Variants in NEXMIF observed in about 807,000 individuals in gnomAD.
The protein encoded by NEXMIF is XLMR protein related to neurite extension.
Under a neutral mutation model 62.1 loss-of-function variants are expected in NEXMIF, and 8 were observed. The ratio of observed to expected loss-of-function variants is 0.13; its 90% CI spans 0.08 to 0.23. The LOEUF is 0.23. NEXMIF is among the 10% of genes least tolerant of loss of function. The probability of loss-of-function intolerance (pLI) is 1.00; values close to 1 mark genes in which losing one functional copy is unlikely to be tolerated. For synonymous variants in NEXMIF, 404 were observed against 416.6 expected (o/e 0.97, Z 0.37); for missense variants, 976 against 1,113.3 (o/e 0.88, Z 1.75).
At chrX:74,900,462 C>CAAAAAA (rs758887978) in intron 1 of NEXMIF, among the ~76,000 whole-genome samples, 5 of 32,854 alleles carry the variant, frequency 1.5e-4, no homozygotes, top group Middle Eastern at 0.019. Flanking sequence ...GACTCCGTCT[C>CAAAAAA]AAAAAAAAAA....
chrX:74,847,537 T>G, intron 1 of NEXMIF, among the ~76,000 whole-genome samples: 1 of 112,070 alleles, frequency 8.9e-6, no homozygotes. Flanking sequence ...AAAAACACTT[T>G]TAAGTAACAT....
At chrX:74,834,254 A>G (rs1428762724) in intron 1 of NEXMIF, among the ~76,000 whole-genome samples, 20 of 110,346 alleles carry the variant, frequency 1.8e-4, no homozygotes, top group Admixed American at 9.6e-4. Context: ...TGTATTGTCT[A>G]TGTCTTGAAA....
At chrX:74,740,026 T>C (rs1393506879) in intron 3 of NEXMIF, 74 bp downstream of exon 3, 3 of 973,303 alleles carry the variant, frequency 3.1e-6, no homozygotes, top group Admixed American at 5.9e-5. Flanking sequence ...AGGGAAAAAA[T>C]GAGGGACTGC....
At chrX:74,853,829 C>T (rs1194244024) in intron 1 of NEXMIF, among the ~76,000 whole-genome samples, 1 of 110,749 alleles carries the variant, frequency 9.0e-6, no homozygotes, top group African/African-American at 3.3e-5. Context: ...ACTGGAAGAC[C>T]TAGAGGAAAA....
intron 1 of NEXMIF, among the ~76,000 whole-genome samples, chrX:74,849,092 G>T (rs756715037): frequency 5.7e-4 from 64 of 112,320 alleles, no homozygotes; most frequent in Non-Finnish European, 1.1e-3. Flanking sequence ...AGCCACATCT[G>T]CCTATAAAGA....
At chrX:74,806,075 C>T (rs2080344004) in intron 1 of NEXMIF, among the ~76,000 whole-genome samples, 2 of 111,254 alleles carry the variant, frequency 1.8e-5, no homozygotes, top group South Asian at 3.7e-4. Context: ...TTATCAGATA[C>T]GTGATTTGCA....
intron 1 of NEXMIF, among the ~76,000 whole-genome samples, chrX:74,767,973 G>T (rs893810099): frequency 9.0e-6 from 1 of 111,129 alleles, no homozygotes; most frequent in Non-Finnish European, 1.9e-5. Flanking sequence ...TGTATGGGAG[G>T]GGGGGTCTAA....
intron 1 of NEXMIF, among the ~76,000 whole-genome samples, chrX:74,832,632 C>T (rs749724519): frequency 6.3e-5 from 7 of 111,080 alleles, no homozygotes; most frequent in Non-Finnish European, 9.5e-5. Flanking sequence ...ATCTTTGCTC[C>T]GATCATTATT....
chrX:74,925,073 C>A lies in NEXMIF; in HGVS notation c.-238G>T. On this transcript the variant is annotated 5_prime_UTR_variant, in exon 1 of 4. Transcript: ENST00000055682. ...GCCTCAGCTCCATACGCTGGGCCCGCCAGGTGGACGCGCCTCTCTCCTCGC... is the reference window on the plus strand; with the variant it reads ...GCCTCAGCTCCATACGCTGGGCCCGACAGGTGGACGCGCCTCTCTCCTCGC... 1 of 119,097 alleles carries A rather than the reference C, an allele frequency of 8.4e-6. No individual in the cohort carries two copies. The highest frequency in any genetic ancestry group is 1.8e-5 in the Non-Finnish European group (1 of 56,746). The allele number at this position is 119,097 out of a possible 1,213,427, so 9.8% of individuals were successfully genotyped here. A position where few individuals can be genotyped will look rare whatever the true frequency, so the allele number is the denominator to read the frequency against.
intron 1 of NEXMIF, among the ~76,000 whole-genome samples, chrX:74,907,600 A>G (rs2080773678): frequency 9.0e-6 from 1 of 111,038 alleles, no homozygotes; most frequent in African/African-American, 3.3e-5. Context: ...TCTGAGGCCC[A>G]GAGAGAGAGA....
intron 1 of NEXMIF, among the ~76,000 whole-genome samples, chrX:74,895,907 T>G (rs1408459762): frequency 9.1e-6 from 1 of 110,383 alleles, no homozygotes; most frequent in Non-Finnish European, 1.9e-5. Flanking sequence ...AGTTCAAGTT[T>G]CCAAAGGACT....
chrX:74,921,863 G>A (rs899148337), intron 1 of NEXMIF, among the ~76,000 whole-genome samples: 24 of 111,575 alleles, frequency 2.2e-4, no homozygotes, highest in Middle Eastern at 9.2e-3. Context: ...TACTCCTACC[G>A]GGAACACTTA....
chrX:74,881,251 T>C (rs2080661624), intron 1 of NEXMIF, among the ~76,000 whole-genome samples: 1 of 111,209 alleles, frequency 9.0e-6, no homozygotes, highest in Non-Finnish European at 1.9e-5. Flanking sequence ...GGGAGCCTGG[T>C]ACCCCAAGTG....
At chrX:74,764,078 C>T (rs2147451440) in intron 1 of NEXMIF, among the ~76,000 whole-genome samples, 1 of 111,535 alleles carries the variant, frequency 9.0e-6, no homozygotes, top group African/African-American at 3.3e-5. Flanking sequence ...CGTTTTTGCC[C>T]ATTCAGTATG....
At chrX:74,834,837 T>G (rs2080450996) in intron 1 of NEXMIF, among the ~76,000 whole-genome samples, 1 of 111,895 alleles carries the variant, frequency 8.9e-6, no homozygotes, top group South Asian at 3.8e-4. Context: ...TGAATGCTGA[T>G]ATATTTCCGT....
At chrX:74,842,581 C>A (rs2080477555) in intron 1 of NEXMIF, among the ~76,000 whole-genome samples, 1 of 111,552 alleles carries the variant, frequency 9.0e-6, no homozygotes, top group Admixed American at 9.5e-5. Context: ...AATTTGAGAT[C>A]TTTCTAACTT....
intron 1 of NEXMIF, among the ~76,000 whole-genome samples, chrX:74,911,435 G>T: frequency 9.0e-6 from 1 of 111,497 alleles, no homozygotes; most frequent in East Asian, 2.8e-4. Flanking sequence ...CATATTTGGA[G>T]CCTTCTTAAA....
chrX:74,903,998 G>T (rs2080758244), intron 1 of NEXMIF, among the ~76,000 whole-genome samples: 1 of 109,308 alleles, frequency 9.1e-6, no homozygotes, highest in Non-Finnish European at 1.9e-5. Context: ...GACTGTCACT[G>T]TCTTTGTGCT....
At chrX:74,774,417 A>G (rs1252846457) in intron 1 of NEXMIF, among the ~76,000 whole-genome samples, 1 of 111,972 alleles carries the variant, frequency 8.9e-6, no homozygotes, top group Non-Finnish European at 1.9e-5. Context: ...GATGAGAGAA[A>G]TAATGAATGT....
Sources: allele counts gnomAD v4.1 joint callset (sites outside exome capture counted in the v4.1 genomes callset), GRCh38; gene constraint gnomAD v4.1.1; transcripts MANE v1.5; gene names NCBI Gene and HGNC (gene_info 2026-07-23, HGNC 2026-07-21).